The following CDH12 variants were observed in gnomAD, a reference collection of about 807,000 sequenced individuals.
The protein encoded by CDH12 is cadherin 12, also known as cadherin-12.
CDH12 carries 41 observed loss-of-function variants against 74.1 expected under a neutral mutation model. That is an observed-to-expected ratio of 0.55 (90% CI 0.43 to 0.72). CDH12 has a LOEUF of 0.72. Among genes scored for constraint, CDH12 ranks in the 30% least tolerant of loss-of-function variants. The pLI is 0.00. For missense variants in CDH12, 945 were observed against 977.2 expected, an observed-to-expected ratio of 0.97 and a Z score of 0.44; for synonymous variants, 399 against 355.0, an observed-to-expected ratio of 1.12 and a Z score of -1.39.
chr5:22,100,690 C>A (rs1580251214), intron 4 of CDH12, among the ~76,000 whole-genome samples: 2 of 150,126 alleles, frequency 1.3e-5, no homozygotes, highest in South Asian at 4.3e-4. Flanking sequence ...CACACACATA[C>A]ACTCTTTTAT....
At chr5:22,256,793 C>CATAAAA (rs749752187) in intron 3 of CDH12, among the ~76,000 whole-genome samples, 67 of 152,058 alleles carry the variant, frequency 4.4e-4, no homozygotes, top group African/African-American at 1.5e-3. Flanking sequence ...AAAGTAAAAA[C>CATAAAA]ATAAAAATAA....
chr5:22,432,287 G>A (rs1330734167), intron 2 of CDH12, among the ~76,000 whole-genome samples: 3 of 152,048 alleles, frequency 2.0e-5, no homozygotes, highest in Non-Finnish European at 2.9e-5. Context: ...ATATAGCCTA[G>A]GTGTGTAGTA....
chr5:22,713,002 A>G (rs188209264), intron 1 of CDH12, among the ~76,000 whole-genome samples: 11 of 152,260 alleles, frequency 7.2e-5, no homozygotes, highest in Admixed American at 6.5e-4. Flanking sequence ...GTGGCCAGGC[A>G]TGTATACACC....
At chr5:21,949,878 T>C (rs1755766495) in intron 6 of CDH12, among the ~76,000 whole-genome samples, 1 of 152,194 alleles carries the variant, frequency 6.6e-6, no homozygotes. Flanking sequence ...GTTTAATGTA[T>C]TTTGAAAGAA....
At chr5:22,448,149 C>G (rs888869210) in intron 2 of CDH12, among the ~76,000 whole-genome samples, 14 of 148,964 alleles carry the variant, frequency 9.4e-5, no homozygotes, top group African/African-American at 2.7e-4. Context: ...CAGAGTAAGA[C>G]CCTGTGTCAA....
intron 3 of CDH12, among the ~76,000 whole-genome samples, chr5:22,402,669 T>C (rs778606360): frequency 3.3e-5 from 5 of 152,154 alleles, no homozygotes; most frequent in African/African-American, 4.8e-5. Flanking sequence ...ATATCTACGT[T>C]GCAAAGGATG....
At chr5:21,756,101 AG>A (rs1447892462) in intron 13 of CDH12, among the ~76,000 whole-genome samples, 1 of 152,148 alleles carries the variant, frequency 6.6e-6, no homozygotes, top group Non-Finnish European at 1.5e-5. Flanking sequence ...CAAGACAGAA[AG>A]TGTGTTAAAT....
chr5:21,986,914 A>C (rs934953390), intron 5 of CDH12, among the ~76,000 whole-genome samples: 34 of 152,100 alleles, frequency 2.2e-4, no homozygotes, highest in South Asian at 2.1e-4. Flanking sequence ...GCTATCATGA[A>C]AAATCTAGTA....
At chr5:22,581,432 C>A (rs113261304) in intron 1 of CDH12, among the ~76,000 whole-genome samples, 6 of 152,256 alleles carry the variant, frequency 3.9e-5, no homozygotes, top group Admixed American at 2.6e-4. Flanking sequence ...AATGCCCAGG[C>A]AGAAGTTTGC....
intron 1 of CDH12, among the ~76,000 whole-genome samples, chr5:22,603,607 T>C (rs1165721475): frequency 1.3e-5 from 2 of 152,086 alleles, no homozygotes; most frequent in Non-Finnish European, 2.9e-5. Flanking sequence ...GCAAGTGTGG[T>C]TACTCAGAAG....
At chr5:22,437,190 T>C (rs544610432) in intron 2 of CDH12, among the ~76,000 whole-genome samples, 148 of 152,084 alleles carry the variant, frequency 9.7e-4, no homozygotes, top group Middle Eastern at 6.8e-3. Flanking sequence ...ATAGATTATA[T>C]AAAAAATTTA....
chr5:21,884,046 G>A (rs1579905498), intron 6 of CDH12: 1 of 1,445,098 alleles, frequency 6.9e-7, no homozygotes, highest in East Asian at 2.3e-5. Context: ...TGCAGGTGTT[G>A]AAGGATCTTT....
chr5:22,794,667 A>G (rs1379190884), intron 1 of CDH12, among the ~76,000 whole-genome samples: 1 of 152,234 alleles, frequency 6.6e-6, no homozygotes, highest in Non-Finnish European at 1.5e-5. Flanking sequence ...AAGGAATAGT[A>G]GACTGAATAA....
At chr5:22,061,830 A>C (rs1741207131) in intron 5 of CDH12, among the ~76,000 whole-genome samples, 1 of 152,184 alleles carries the variant, frequency 6.6e-6, no homozygotes, top group Non-Finnish European at 1.5e-5. Flanking sequence ...AACTTGTACT[A>C]TGTGACACTC....
At chr5:22,293,951 G>A (rs1017515669) in intron 3 of CDH12, among the ~76,000 whole-genome samples, 3 of 152,074 alleles carry the variant, frequency 2.0e-5, no homozygotes, top group Non-Finnish European at 2.9e-5. Context: ...CTTGAGAAAC[G>A]CTAAGAGAGC....
chr5:22,500,439 C>T (rs1345595742), intron 2 of CDH12, among the ~76,000 whole-genome samples: 2 of 152,036 alleles, frequency 1.3e-5, no homozygotes, highest in Non-Finnish European at 2.9e-5. Context: ...TCATAGACTG[C>T]CCCAGAAGAA....
chr5:22,632,496 T>C (rs919508193), intron 1 of CDH12, among the ~76,000 whole-genome samples: 11 of 151,886 alleles, frequency 7.2e-5, no homozygotes, highest in Admixed American at 5.3e-4. Context: ...AGGGGTGAAA[T>C]AAAATTCTGG....
chr5:22,450,151 A>G (rs1744986382), intron 2 of CDH12, among the ~76,000 whole-genome samples: 1 of 152,014 alleles, frequency 6.6e-6, no homozygotes, highest in East Asian at 1.9e-4. Flanking sequence ...AATCTATATT[A>G]TAGCTCATTG....
chr5:22,492,923 C>T (rs1347197926), intron 2 of CDH12, among the ~76,000 whole-genome samples: 2 of 152,180 alleles, frequency 1.3e-5, no homozygotes, highest in Non-Finnish European at 2.9e-5. Context: ...CCAAACTCCT[C>T]ATCATAGCCA....
Sources: gnomAD v4.1 joint callset for allele counts (sites outside exome capture counted in the v4.1 genomes callset) on GRCh38, gnomAD v4.1.1 for gene constraint, MANE v1.5 for transcripts, NCBI Gene and HGNC (gene_info 2026-07-23, HGNC 2026-07-21) for gene names.